Variants in XRCC4 observed in about 807,000 individuals in gnomAD.
XRCC4 encodes X-ray repair cross complementing 4.
In XRCC4, 28 loss-of-function variants were observed where a neutral mutation model predicts 39.1. That is an observed-to-expected ratio of 0.72 (90% CI 0.53 to 0.98). The LOEUF (loss-of-function observed/expected upper bound fraction) is 0.98, where lower values mean the gene tolerates loss of function less well. Ranked by LOEUF, XRCC4 falls within the 50% of genes least tolerant of loss-of-function variation. The pLI, the probability that XRCC4 is intolerant of heterozygous loss-of-function variation, is 0.00. For missense variants in XRCC4, 350 were observed against 376.4 expected, an observed-to-expected ratio of 0.93 and a Z score of 0.58; for synonymous variants, 123 against 126.4, an observed-to-expected ratio of 0.97 and a Z score of 0.18.
At chr5:83,167,556 A>G (rs1250612640) in intron 3 of XRCC4, among the ~76,000 whole-genome samples, 1 of 152,208 alleles carries the variant, frequency 6.6e-6, no homozygotes, top group Admixed American at 6.5e-5. Context: ...TGGTCTATAC[A>G]TAAACTCTAT....
intron 6 of XRCC4, among the ~76,000 whole-genome samples, chr5:83,248,516 A>C (rs1210015669): frequency 6.6e-6 from 1 of 152,160 alleles, no homozygotes; most frequent in Non-Finnish European, 1.5e-5. Flanking sequence ...ATCAAGACTG[A>C]TTCCATCTTT....
At chr5:83,093,424 A>G (rs959647898) in intron 1 of XRCC4, among the ~76,000 whole-genome samples, 4 of 152,242 alleles carry the variant, frequency 2.6e-5, no homozygotes, top group Admixed American at 6.5e-5. Context: ...TAATAAGGCA[A>G]TGTTAGACTT....
At chr5:83,250,757 C>T (rs931192742) in intron 6 of XRCC4, among the ~76,000 whole-genome samples, 3 of 152,290 alleles carry the variant, frequency 2.0e-5, no homozygotes, top group South Asian at 2.1e-4. Flanking sequence ...GGAAAATGTA[C>T]TTCAGGGCCA....
At chr5:83,219,017 T>C (rs143203435) in intron 6 of XRCC4, among the ~76,000 whole-genome samples, 117 of 152,258 alleles carry the variant, frequency 7.7e-4, no homozygotes, top group African/African-American at 2.6e-3. Flanking sequence ...AATTGAGATG[T>C]TGGCAGGGTT....
At chr5:83,125,986 C>CAAAAAAAA (rs35711158) in intron 3 of XRCC4, among the ~76,000 whole-genome samples, 1 of 108,456 alleles carries the variant, frequency 9.2e-6, no homozygotes. Context: ...TCCATCTCAT[C>CAAAAAAAA]AAAAAAAAAA....
chr5:83,138,086 A>G (rs1254400197), intron 3 of XRCC4, among the ~76,000 whole-genome samples: 1 of 152,160 alleles, frequency 6.6e-6, no homozygotes, highest in South Asian at 2.1e-4. Flanking sequence ...ACAGGGTTTT[A>G]TGCTTGTGGA....
chr5:83,319,781 T>C (rs1755990890), intron 7 of XRCC4, among the ~76,000 whole-genome samples: 1 of 101,306 alleles, frequency 9.9e-6, no homozygotes, highest in Non-Finnish European at 2.0e-5. Flanking sequence ...AGTTCAACCA[T>C]TGTGGAAGTC....
chr5:83,168,551 C>T (rs973100031), intron 3 of XRCC4, among the ~76,000 whole-genome samples: 12 of 152,134 alleles, frequency 7.9e-5, no homozygotes, highest in African/African-American at 2.9e-4. Flanking sequence ...ACAGAGATCT[C>T]TTCTAGCAAT....
At chr5:83,163,902 G>T (rs192635529) in intron 3 of XRCC4, among the ~76,000 whole-genome samples, 1 of 152,196 alleles carries the variant, frequency 6.6e-6, no homozygotes, top group Admixed American at 6.5e-5. Flanking sequence ...CTTGAGAGCA[G>T]TGTGGCTTTG....
At chr5:83,107,812 T>C (rs2112386891) in intron 2 of XRCC4, among the ~76,000 whole-genome samples, 1 of 152,066 alleles carries the variant, frequency 6.6e-6, no homozygotes. Flanking sequence ...TTGACTTATA[T>C]GGAAATAGTG....
intron 7 of XRCC4, among the ~76,000 whole-genome samples, chr5:83,298,525 A>G (rs898141211): frequency 2.0e-5 from 3 of 152,018 alleles, no homozygotes; most frequent in African/African-American, 7.2e-5. Context: ...TCTGATACTA[A>G]TATAGCCACA....
intron 4 of XRCC4, chr5:83,201,374 T>C (rs929007913): frequency 1.6e-4 from 25 of 152,330 alleles, no homozygotes; most frequent in African/African-American, 5.1e-4. Flanking sequence ...CGGTGCCTTG[T>C]ATCTGGACCC....
chr5:83,287,525 T>A (rs1447294717), intron 7 of XRCC4, among the ~76,000 whole-genome samples: 1 of 152,010 alleles, frequency 6.6e-6, no homozygotes. Context: ...TTATAAATGA[T>A]CCAGAATGGA....
chr5:83,358,825 A>G, the XRCC4 span, among the ~76,000 whole-genome samples: 2 of 152,284 alleles, frequency 1.3e-5, no homozygotes, highest in East Asian at 3.9e-4. Flanking sequence ...CATTCCTCCA[A>G]AAACTGGGCC....
At chr5:83,110,192 A>T (rs981933935) in intron 2 of XRCC4, among the ~76,000 whole-genome samples, 24 of 152,054 alleles carry the variant, frequency 1.6e-4, no homozygotes, top group African/African-American at 5.5e-4. Context: ...GTTACAAAGC[A>T]TGAAAGGAAA....
intron 7 of XRCC4, among the ~76,000 whole-genome samples, chr5:83,322,491 T>C (rs1373863734): frequency 6.6e-6 from 1 of 152,144 alleles, no homozygotes; most frequent in East Asian, 1.9e-4. Context: ...AACCACTCCC[T>C]CCATCTCCCC....
chr5:83,170,135 T>A (rs1423726389), intron 3 of XRCC4, among the ~76,000 whole-genome samples: 1 of 152,130 alleles, frequency 6.6e-6, no homozygotes, highest in African/African-American at 2.4e-5. Flanking sequence ...ACATGGCATT[T>A]TTCATGTTTG....
intron 3 of XRCC4, among the ~76,000 whole-genome samples, chr5:83,176,303 T>C (rs1482199068): frequency 6.6e-6 from 1 of 152,130 alleles, no homozygotes; most frequent in Non-Finnish European, 1.5e-5. Flanking sequence ...GGTAGATGGT[T>C]AGACAGAAAA....
chr5:83,117,375 A>T (rs1361484131), intron 3 of XRCC4, among the ~76,000 whole-genome samples: 1 of 152,220 alleles, frequency 6.6e-6, no homozygotes, highest in Admixed American at 6.5e-5. Context: ...TTTGCCATAC[A>T]GACTTTGTCA....
Sources: allele counts gnomAD v4.1 joint callset (sites outside exome capture counted in the v4.1 genomes callset), GRCh38; gene constraint gnomAD v4.1.1; transcripts MANE v1.5; gene names NCBI Gene and HGNC (gene_info 2026-07-23, HGNC 2026-07-21).